Variants in CACNA1A observed in about 807,000 individuals in gnomAD.
CACNA1A encodes voltage-dependent P/Q-type calcium channel subunit alpha-1A.
A neutral mutation model predicts 262.4 loss-of-function variants in CACNA1A; 57 were observed. That is an observed-to-expected ratio of 0.22 (90% CI 0.18 to 0.27). The LOEUF (loss-of-function observed/expected upper bound fraction) is 0.27, where lower values mean the gene tolerates loss of function less well. Among genes scored for constraint, CACNA1A ranks in the 10% least tolerant of loss-of-function variants. The probability of loss-of-function intolerance (pLI) is 1.00; values close to 1 mark genes in which losing one functional copy is unlikely to be tolerated. For synonymous variants in CACNA1A, 1,431 were observed against 1,419.3 expected (o/e 1.01, Z -0.18); for missense variants, 2,526 against 3,562.8 (o/e 0.71, Z 7.41).
chr19:13,368,910 C>T lies in CACNA1A; in HGVS notation c.631+2778G>A, dbSNP rs946412687. On this transcript the variant is annotated intron_variant, in intron 4 of 46. Transcript: ENST00000360228. ...AAAATTAGCCGGGCGTGGTAGCGGG[C>T]GCCTGTAGTCCCAGCTACTCGGGAG... is the stretch of plus-strand genomic sequence containing the variant. Among the ~76,000 whole-genome samples the T allele has an allele frequency of 9.1e-5, 13 of 143,132 alleles. 1 individual carries two copies. Among genetic ancestry groups the T allele is most frequent in the East Asian group, 2.1e-4 (1 of 4,862 alleles). 93.9% of individuals were successfully genotyped at this position (143,132 alleles called of 152,430 possible). A position where few individuals can be genotyped will look rare whatever the true frequency, so the allele number is the denominator to read the frequency against.
At chr19:13,282,247 G>A (rs2057308275) in intron 22 of CACNA1A, among the ~76,000 whole-genome samples, 1 of 152,158 alleles carries the variant, frequency 6.6e-6, no homozygotes, top group African/African-American at 2.4e-5. Context: ...GCTTTGCCTG[G>A]GTCCTAACCT....
At chr19:13,432,622 A>G (rs2060531127) in intron 3 of CACNA1A, among the ~76,000 whole-genome samples, 1 of 152,096 alleles carries the variant, frequency 6.6e-6, no homozygotes, top group African/African-American at 2.4e-5. Flanking sequence ...GGTGACCACA[A>G]TTAATGATAA....
chr19:13,346,632 A>T (rs1600388435), intron 6 of CACNA1A, among the ~76,000 whole-genome samples: 4 of 3,338 alleles, frequency 1.2e-3, no homozygotes, highest in African/African-American at 3.9e-3. Context: ...ATATATATAT[A>T]TATATATATA....
chr19:13,336,594 G>GGAGAGAGAGAGAGAGAGAGAGAGAGA (rs547329827), intron 6 of CACNA1A, among the ~76,000 whole-genome samples: 1 of 65,494 alleles, frequency 1.5e-5, no homozygotes, highest in African/African-American at 5.1e-5. Context: ...AGAGAGAGAG[G>GGAGAGAGAGAGAGAGAGAGAGAGAGA]GAGAGAGAGA....
At chr19:13,235,904 G>A (rs769612732) in intron 31 of CACNA1A, 174 bp from the exon 32 acceptor site, 6 of 553,902 alleles carry the variant, frequency 1.1e-5, no homozygotes, top group South Asian at 2.4e-5. Context: ...GGAAAAACTC[G>A]AAAAAGGAAT....
intron 3 of CACNA1A, among the ~76,000 whole-genome samples, chr19:13,438,480 T>C (rs558904502): frequency 2.3e-4 from 35 of 152,284 alleles, no homozygotes; most frequent in African/African-American, 7.9e-4. Flanking sequence ...AAAGCTGCCA[T>C]GTGAACTAGC....
intron 22 of CACNA1A, among the ~76,000 whole-genome samples, chr19:13,281,702 G>A (rs2057295506): frequency 1.3e-5 from 2 of 152,218 alleles, no homozygotes; most frequent in South Asian, 4.1e-4. Flanking sequence ...GGAGGCACAT[G>A]CCGCGTGGGG....
At chr19:13,315,661 G>T (rs2058112661) in intron 11 of CACNA1A, 1 of 152,320 alleles carries the variant, frequency 6.6e-6, no homozygotes, top group Admixed American at 6.5e-5. Flanking sequence ...CTGGGAAGGA[G>T]AACTGGTTCC....
chr19:13,346,004 G>A (rs6511862), intron 6 of CACNA1A, among the ~76,000 whole-genome samples: 85,664 of 149,870 alleles, frequency 0.57, 25,519 homozygotes, highest in Non-Finnish European at 0.66. Flanking sequence ...GGGTTCAAGC[G>A]ATTCTCGAGT....
At chr19:13,412,989 G>T (rs372073833) in intron 3 of CACNA1A, among the ~76,000 whole-genome samples, 1 of 152,108 alleles carries the variant, frequency 6.6e-6, no homozygotes, top group Non-Finnish European at 1.5e-5. Flanking sequence ...GGGGGCTCAC[G>T]CCTGTAATCC....
At position 13,208,764 on chromosome 19, in the gene CACNA1A, G is replaced by A. The variant is rs2054678616; in HGVS notation, c.6772C>T (p.His2258Tyr). The change falls in exon 46 of 47, where the codon CAC becomes TAC. Residue 2258 changes from histidine (H) to tyrosine (Y), a missense_variant. By Grantham distance (83) the His-to-Tyr change is moderately conservative (BLOSUM62 2). This residue lies in a region of CACNA1A where 929 missense variants were observed against 868.1 expected (regional missense o/e 1.07). Transcript: ENST00000360228. The stretch of plus-strand genomic sequence containing the variant: ...CTTGCAGCCGCACCCACCTGCCGGT[G>A]CGCCATGTGCTCTCGGCCCTCGCTG... ...SPSEGREHMA[H>Y]RQGSSSVSGS... The A allele has an allele frequency of 6.4e-7, 1 of 1,574,440 alleles. No homozygotes were observed. The highest frequency in any genetic ancestry group is 1.3e-5 in the African/African-American group (1 of 74,494).
intron 31 of CACNA1A, among the ~76,000 whole-genome samples, chr19:13,240,541 G>A (rs1212386475): frequency 6.8e-6 from 1 of 148,090 alleles, no homozygotes; most frequent in African/African-American, 2.5e-5. Context: ...TGTGCATAGT[G>A]GTGTGTGCAG....
chr19:13,370,289 C>T (rs1325132683), intron 4 of CACNA1A, among the ~76,000 whole-genome samples: 5 of 152,070 alleles, frequency 3.3e-5, no homozygotes, highest in South Asian at 2.1e-4. Flanking sequence ...TTAGTAGAGA[C>T]GGGGTTTCCC....
intron 3 of CACNA1A, among the ~76,000 whole-genome samples, chr19:13,442,737 C>T (rs1339493442): frequency 2.0e-5 from 3 of 152,198 alleles, no homozygotes; most frequent in African/African-American, 7.2e-5. Flanking sequence ...CAGGTCTTAA[C>T]CATGGCGCTA....
At chr19:13,310,454 C>CAA (rs869052278) in intron 12 of CACNA1A, among the ~76,000 whole-genome samples, 3 of 25,904 alleles carry the variant, frequency 1.2e-4, no homozygotes, top group African/African-American at 2.3e-4. Flanking sequence ...GACTCTGTCT[C>CAA]AAAAAAAAAA....
At chr19:13,319,591 C>G (rs1456043944) in intron 10 of CACNA1A, among the ~76,000 whole-genome samples, 3 of 152,164 alleles carry the variant, frequency 2.0e-5, no homozygotes, top group African/African-American at 7.2e-5. Flanking sequence ...GCAAAATTCT[C>G]AACAGAGATT....
At position 13,464,037 on chromosome 19, in the gene CACNA1A, AGTGCTCAAGGAATGTGAGTGTTTTAT is replaced by A. The variant is rs1464307181; in HGVS notation, c.294-8851_294-8826del. Among the ~76,000 whole-genome samples, 5 of 152,300 alleles carry A rather than the reference AGTGCTCAAGGAATGTGAGTGTTTTAT, an allele frequency of 3.3e-5. No individual in the cohort carries two copies. The East Asian group carries it at 7.7e-4, about 23-fold the overall frequency. On this transcript the variant is annotated intron_variant, in intron 1 of 46. Coordinates refer to ENST00000360228, the MANE Select transcript of CACNA1A (RefSeq NM_001127222.2). Reference sequence around the variant, plus strand: ...CTATTACAGGGCCCTGCATATAGTAAGTGCTCAAGGAATGTGAGTGTTTTATATTGTTTATTTTGGTTCCCATGATG... The same window carrying A: ...CTATTACAGGGCCCTGCATATAGTAAATTGTTTATTTTGGTTCCCATGATG...
chr19:13,282,510 T>G (rs537761935), intron 22 of CACNA1A, among the ~76,000 whole-genome samples: 14 of 152,156 alleles, frequency 9.2e-5, no homozygotes, highest in African/African-American at 3.1e-4. Flanking sequence ...AAAGGGGCTA[T>G]GCACACCCAT....
chr19:13,259,794 G>T, intron 26 of CACNA1A, 93 bp from the exon 27 acceptor site: 1 of 1,423,728 alleles, frequency 7.0e-7, no homozygotes, highest in Non-Finnish European at 9.6e-7. Context: ...GGGAAAGGAA[G>T]AGTGGTCCAC....
Sources: gnomAD v4.1 joint callset for allele counts (sites outside exome capture counted in the v4.1 genomes callset) on GRCh38, gnomAD v4.1.1 for gene constraint, gnomAD v4.1.1 regional missense constraint, MANE v1.5 for transcripts, NCBI Gene and HGNC (gene_info 2026-07-23, HGNC 2026-07-21) for gene names.